PARD3: variants seen among roughly 807,000 people sequenced by gnomAD.
The protein encoded by PARD3 is partitioning defective 3 homolog.
A neutral mutation model predicts 155.4 loss-of-function variants in PARD3; 75 were observed. The ratio of observed to expected loss-of-function variants is 0.48; its 90% CI spans 0.40 to 0.58. The LOEUF is 0.58. PARD3 is among the 20% of genes least tolerant of loss of function. The pLI, the probability that PARD3 is intolerant of heterozygous loss-of-function variation, is 0.00. For synonymous variants in PARD3, 576 were observed against 610.5 expected, an observed-to-expected ratio of 0.94 and a Z score of 0.83; for missense variants, 1,642 against 1,721.7, an observed-to-expected ratio of 0.95 and a Z score of 0.82.
chr10:34,666,055 A>C (rs2496730), intron 2 of PARD3, among the ~76,000 whole-genome samples: 3,609 of 151,980 alleles, frequency 0.024, 156 homozygotes, highest in African/African-American at 0.083. Context: ...TCTACCAAAA[A>C]AAAAATTAAA....
rs536740887 is a variant in PARD3, at chr10:34,396,904, G to A, written c.890+2426C>T. On this transcript the variant is annotated intron_variant, in intron 7 of 24. Coordinates refer to ENST00000374788, the MANE Select transcript of PARD3 (RefSeq NM_001184785.2). ...ATCATCACATTTAAAATCATCTTCC[G>A]CAACAAGCCATTTTCAGTTGCCTAA... Among the ~76,000 whole-genome samples, 13 of 152,018 alleles carry A rather than the reference G, an allele frequency of 8.6e-5. No homozygotes were observed. In the South Asian group the frequency reaches 1.9e-3, roughly 22 times the overall value.
chr10:34,434,241 G>A (rs1180578226), intron 5 of PARD3, among the ~76,000 whole-genome samples: 1 of 152,178 alleles, frequency 6.6e-6, no homozygotes, highest in Non-Finnish European at 1.5e-5. Context: ...AATGCACCCT[G>A]GAAGCAGCTG....
At chr10:34,524,366 C>T (rs1268090176) in intron 2 of PARD3, among the ~76,000 whole-genome samples, 2 of 152,112 alleles carry the variant, frequency 1.3e-5, no homozygotes, top group Admixed American at 6.6e-5. Context: ...AGAGATATTC[C>T]ACTGCATCTG....
intron 5 of PARD3, among the ~76,000 whole-genome samples, chr10:34,402,664 A>G (rs1336871177): frequency 6.6e-6 from 1 of 152,218 alleles, no homozygotes; most frequent in African/African-American, 2.4e-5. Context: ...TGACAAAGGC[A>G]ATATTTTGTA....
At chr10:34,769,791 C>CAAAAAAAAAAAAAAAA (rs1315957949) in intron 1 of PARD3, among the ~76,000 whole-genome samples, 1 of 27,728 alleles carries the variant, frequency 3.6e-5, no homozygotes, top group African/African-American at 9.8e-5. Context: ...AACAAACGAA[C>CAAAAAAAAAAAAAAAA]AAAAAAACAA....
chr10:34,497,667 T>C (rs2080387008), intron 3 of PARD3, among the ~76,000 whole-genome samples: 1 of 152,218 alleles, frequency 6.6e-6, no homozygotes, highest in African/African-American at 2.4e-5. Context: ...GGTATGGTTT[T>C]ACTGAAAAGA....
At chr10:34,426,828 C>T (rs2075633640) in intron 5 of PARD3, 1 of 152,290 alleles carries the variant, frequency 6.6e-6, no homozygotes, top group Non-Finnish European at 1.5e-5. Flanking sequence ...ACGGAGGGAC[C>T]AGCTGAAGCC....
intron 3 of PARD3, among the ~76,000 whole-genome samples, chr10:34,514,003 A>G (rs933555257): frequency 6.6e-6 from 1 of 152,224 alleles, no homozygotes; most frequent in Non-Finnish European, 1.5e-5. Context: ...TACAAAAAAA[A>G]GCTCAGGGCT....
intron 1 of PARD3, among the ~76,000 whole-genome samples, chr10:34,756,057 G>C (rs1407424343): frequency 6.6e-6 from 1 of 151,698 alleles, no homozygotes; most frequent in African/African-American, 2.4e-5. Context: ...CAGAGAGAGG[G>C]GCTAGGATGC....
At chr10:34,725,105 T>TTGTG (rs71033342) in intron 1 of PARD3, among the ~76,000 whole-genome samples, 11,865 of 135,512 alleles carry the variant, frequency 0.088, 447 homozygotes, top group East Asian at 0.11. Flanking sequence ...AGTCAAAACT[T>TTGTG]TGTGTGTGTG....
At chr10:34,581,234 C>CTTTTTTTTTTTTTTTTTTTTTTTTT (rs779658592) in intron 2 of PARD3, among the ~76,000 whole-genome samples, 4 of 101,272 alleles carry the variant, frequency 3.9e-5, no homozygotes, top group Non-Finnish European at 7.4e-5. Flanking sequence ...TTTTTCTTTT[C>CTTTTTTTTTTTTTTTTTTTTTTTTT]TTTTTTTTTT....
chr10:34,708,445 T>C (rs571780202), intron 1 of PARD3, among the ~76,000 whole-genome samples: 1 of 152,332 alleles, frequency 6.6e-6, no homozygotes, highest in Admixed American at 6.5e-5. Context: ...GTGATCATTG[T>C]ACTAGTTATA....
In PARD3 at chr10:34,109,760, G is replaced by A. The variant is rs1303997976; in HGVS notation, c.*1409C>T. 6.6e-6 allele frequency: 1 copy of A among 152,088 alleles called. No individual in the cohort carries two copies. The highest frequency in any genetic ancestry group is 1.5e-5 in the Non-Finnish European group (1 of 68,034). 9.4% of individuals were successfully genotyped at this position (152,088 alleles called of 1,614,324 possible). ...AAATGCAGAAGAGACACGGGTACGTGTGTGGACACATCATTTCTAAAAACA... is the reference window on the plus strand; with the variant it reads ...AAATGCAGAAGAGACACGGGTACGTATGTGGACACATCATTTCTAAAAACA... On this transcript the variant is annotated 3_prime_UTR_variant, in exon 25 of 25. Transcript: ENST00000374788.
At chr10:34,344,135 A>G in intron 15 of PARD3, 4 of 981,200 alleles carry the variant, frequency 4.1e-6, no homozygotes, top group Non-Finnish European at 4.8e-6. Context: ...AAGAAAAATT[A>G]TTCAGCTAAA....
intron 2 of PARD3, among the ~76,000 whole-genome samples, chr10:34,650,732 C>A (rs1343860550): frequency 6.6e-6 from 1 of 152,172 alleles, no homozygotes; most frequent in Non-Finnish European, 1.5e-5. Context: ...CACAGTCCAG[C>A]CGGGCACAGC....
chr10:34,811,037 G>A (rs1844088222), intron 1 of PARD3, among the ~76,000 whole-genome samples: 1 of 152,192 alleles, frequency 6.6e-6, no homozygotes, highest in African/African-American at 2.4e-5. Context: ...GGTGGGAACA[G>A]TGAGCAAAGG....
At chr10:34,129,140 C>G (rs1328703350) in intron 23 of PARD3, among the ~76,000 whole-genome samples, 1 of 152,046 alleles carries the variant, frequency 6.6e-6, no homozygotes, top group East Asian at 1.9e-4. Flanking sequence ...TAACTGACAT[C>G]CAATCATTTA....
chr10:34,399,422 C>G lies in PARD3; in HGVS notation c.807-9G>C. The G allele has an allele frequency of 6.3e-7, 1 of 1,584,308 alleles. No individual in the cohort carries two copies. Among genetic ancestry groups the G allele is most frequent in the Non-Finnish European group, 8.7e-7 (1 of 1,153,094 alleles). Reference sequence around the variant, plus strand: ...CGAGCTTTACCATATCACTGTGAGACAATGATGAATGAGGGAGCATGAACG... The same window carrying G: ...CGAGCTTTACCATATCACTGTGAGAGAATGATGAATGAGGGAGCATGAACG... On this transcript the variant is annotated splice_polypyrimidine_tract_variant and intron_variant, in intron 6 of 24. Coordinates refer to ENST00000374788, the MANE Select transcript of PARD3 (RefSeq NM_001184785.2).
At chr10:34,148,290 C>G (rs888145220) in intron 22 of PARD3, among the ~76,000 whole-genome samples, 1 of 152,162 alleles carries the variant, frequency 6.6e-6, no homozygotes, top group African/African-American at 2.4e-5. Flanking sequence ...TTTGCACAAG[C>G]CAACCACCTG....
Sources: gnomAD v4.1 joint callset for allele counts (sites outside exome capture counted in the v4.1 genomes callset) on GRCh38, gnomAD v4.1.1 for gene constraint, MANE v1.5 for transcripts, NCBI Gene and HGNC (gene_info 2026-07-23, HGNC 2026-07-21) for gene names.